The following KIAA1191 variants were observed in gnomAD, a reference collection of about 807,000 sequenced individuals.
KIAA1191 encodes KIAA1191.
Under a neutral mutation model 31.1 loss-of-function variants are expected in KIAA1191, and 22 were observed. The ratio of observed to expected loss-of-function variants is 0.71; its 90% CI spans 0.51 to 1.01. The LOEUF is 1.01. Among genes scored for constraint, KIAA1191 ranks in the 50% least tolerant of loss-of-function variants. KIAA1191 has a pLI of 0.00. For synonymous variants in KIAA1191, 130 were observed against 143.9 expected (o/e 0.90, Z 0.69); for missense variants, 319 against 388.0 (o/e 0.82, Z 1.49).
rs372513176 is a variant in KIAA1191, at chr5:176,348,276, C to T, written c.540G>A (p.Pro180=). 19 of 1,613,530 alleles carry T rather than the reference C, an allele frequency of 1.2e-5. No individual in the cohort carries two copies. The highest frequency in any genetic ancestry group is 3.3e-5 in the Admixed American group (2 of 59,916). ...TGGGCCTCTGCTTAGGTGAAGAGTG[C>T]GGAGTGGTGCTTGGGGTGGACTGGG... ...ASAQSTPSTT[P]HSSPKQRPRG... Residue 180 remains proline (P), a synonymous_variant, in exon 7 of 9, where the codon CCG becomes CCA. Transcript: ENST00000298569.
chr5:176,360,145 C>T (rs1156601847), intron 1 of KIAA1191, among the ~76,000 whole-genome samples: 1 of 150,172 alleles, frequency 6.7e-6, no homozygotes, highest in Non-Finnish European at 1.5e-5. Context: ...TTATTTATCC[C>T]AATCCCAATT....
chr5:176,350,461 G>A (rs1359308542), intron 6 of KIAA1191, 152 bp downstream of exon 6: 1 of 895,268 alleles, frequency 1.1e-6, no homozygotes, highest in Non-Finnish European at 1.7e-6. Flanking sequence ...CCACTGTATA[G>A]GTGGATAAGC....
At chr5:176,359,434 CATT>C (rs78874879) in intron 3 of KIAA1191, 44 bp downstream of exon 3, 208,428 of 1,586,406 alleles carry the variant, frequency 0.13, 14,409 homozygotes, top group Admixed American at 0.15. Context: ...TAGCTTAAAA[CATT>C]AATAAGGGCA....
rs766037831 is a variant in KIAA1191 at position 176,348,064 on chromosome 5, C to T, written c.567-1G>A. ...GGAAGAACCAGAAGTGAACCAGCCCCTGGGAAAGAAAGAACAAAACATATC... is the reference window on the plus strand; with the variant it reads ...GGAAGAACCAGAAGTGAACCAGCCCTTGGGAAAGAAAGAACAAAACATATC... On this transcript the variant is annotated splice_acceptor_variant, in intron 7 of 8. Transcript: ENST00000298569. LOFTEE classifies it high-confidence loss of function. 3 of 1,613,330 alleles carry T rather than the reference C, an allele frequency of 1.9e-6. No homozygotes were observed. Among genetic ancestry groups the T allele is most frequent in the Admixed American group, 3.3e-5 (2 of 59,758 alleles).
chr5:176,358,791 G>C (rs1767713822), intron 3 of KIAA1191, among the ~76,000 whole-genome samples: 2 of 152,098 alleles, frequency 1.3e-5, no homozygotes, highest in Admixed American at 1.3e-4. Context: ...CAGATCACAA[G>C]GTCAGGAGTT....
intron 3 of KIAA1191, among the ~76,000 whole-genome samples, chr5:176,356,627 G>A (rs142159335): frequency 1.3e-5 from 2 of 152,194 alleles, no homozygotes; most frequent in Admixed American, 1.3e-4. Flanking sequence ...CAGCATGTCG[G>A]GTTGTGATGC....
At chr5:176,359,027 T>C (rs1249030761) in intron 3 of KIAA1191, among the ~76,000 whole-genome samples, 1 of 135,358 alleles carries the variant, frequency 7.4e-6, no homozygotes, top group African/African-American at 2.9e-5. Flanking sequence ...GAGCTTGCAG[T>C]GAGCTGAGAT....
In KIAA1191 at chr5:176,348,007, A is replaced by G; in HGVS notation, c.623T>C (p.Met208Thr). 1.2e-6 allele frequency: 2 copies of G among 1,614,146 alleles called. No individual in the cohort carries two copies. Among genetic ancestry groups the G allele is most frequent in the South Asian group, 1.1e-5 (1 of 91,080 alleles). The change falls in exon 8 of 9, where the codon ATG becomes ACG. Residue 208 changes from methionine (M) to threonine (T), a missense_variant. Transcript: ENST00000298569. ...TALPGPNPSTMDSGSGDKDRN... is the reference protein window; with the variant it reads ...TALPGPNPSTTDSGSGDKDRN... ...GTCCTTATCCCCACTTCCAGAGTCC[A>G]TGGTGCTAGGATTTGGGCCAGGTAA...
At position 176,355,508 on chromosome 5, in the gene KIAA1191, T is replaced by C; in HGVS notation, c.207+63A>G. The C allele has an allele frequency of 6.5e-7, 1 of 1,532,084 alleles. No individual in the cohort carries two copies. Among genetic ancestry groups the C allele is most frequent in the Non-Finnish European group, 8.9e-7 (1 of 1,123,214 alleles). The allele number at this position is 1,532,084 out of a possible 1,614,324, so 94.9% of individuals were successfully genotyped here. A position where few individuals can be genotyped will look rare whatever the true frequency, so the allele number is the denominator to read the frequency against. On this transcript the variant is annotated intron_variant, in intron 4 of 8. Transcript: ENST00000298569. The surrounding 1 kb of genome is among the most constrained non-coding windows in gnomAD (Gnocchi z 4.2). ...ATGGGCACAGGGAGCCACTGAAGGC[T>C]TCTGGAGCAGAGGAAGGACAAAGGG...
chr5:176,351,541 C>T (rs1386327010), intron 5 of KIAA1191, among the ~76,000 whole-genome samples: 2 of 150,492 alleles, frequency 1.3e-5, no homozygotes, highest in African/African-American at 2.4e-5. Context: ...GGGCAGATCA[C>T]GAGGTCAGGA....
intron 4 of KIAA1191, chr5:176,353,094 G>A: frequency 5.3e-6 from 1 of 187,126 alleles, no homozygotes; most frequent in Non-Finnish European, 1.1e-5. Flanking sequence ...CCACATCCCA[G>A]GCACTATGCT....
chr5:176,352,901 T>TCC (rs1767157882), intron 4 of KIAA1191, among the ~76,000 whole-genome samples, 153 bp from the exon 5 acceptor site: 2 of 152,194 alleles, frequency 1.3e-5, no homozygotes, highest in African/African-American at 4.8e-5. Context: ...TCCACCCAGC[T>TCC]AGATAGGTAT....
At chr5:176,358,631 T>C (rs1278086832) in intron 3 of KIAA1191, among the ~76,000 whole-genome samples, 1 of 151,280 alleles carries the variant, frequency 6.6e-6, no homozygotes, top group Non-Finnish European at 1.5e-5. Flanking sequence ...GGAGAATCAC[T>C]TGAGCCCAGG....
At chr5:176,357,931 T>C (rs1380854867) in intron 3 of KIAA1191, among the ~76,000 whole-genome samples, 1 of 152,184 alleles carries the variant, frequency 6.6e-6, no homozygotes, top group African/African-American at 2.4e-5. Context: ...GGGCAGTAAA[T>C]ACATATTTAT....
At chr5:176,354,562 G>GT (rs1767333150) in intron 4 of KIAA1191, 1 of 152,346 alleles carries the variant, frequency 6.6e-6, no homozygotes, top group African/African-American at 2.4e-5. Flanking sequence ...GGACTGTGAG[G>GT]TATGTTCGGA....
In KIAA1191 at chr5:176,361,580, C is replaced by A; in HGVS notation, c.-168+22G>T. 1 of 152,476 alleles carries A rather than the reference C, an allele frequency of 6.6e-6. No homozygotes were observed. Among genetic ancestry groups the A allele is most frequent in the Non-Finnish European group, 1.5e-5 (1 of 68,146 alleles). The allele number at this position is 152,476 out of a possible 1,614,324, so 9.4% of individuals were successfully genotyped here. ...CAGAGAACGCAGCCCCAAGGGAGGG[C>A]CCAGGCCCGCCATCTGTTCACCTGT... On this transcript the variant is annotated intron_variant, in intron 1 of 8. Coordinates refer to ENST00000298569, the MANE Select transcript of KIAA1191 (RefSeq NM_020444.5). The surrounding 1 kb of genome is among the most constrained non-coding windows in gnomAD (Gnocchi z 4.0).
intron 5 of KIAA1191, 66 bp downstream of exon 5, chr5:176,352,556 C>A: frequency 6.4e-7 from 1 of 1,568,036 alleles, no homozygotes. Context: ...CTCCAATCAG[C>A]TTGTAGGAAG....
chr5:176,347,555 G>T lies in KIAA1191; in HGVS notation c.*45C>A. 2 of 1,379,674 alleles carry T rather than the reference G, an allele frequency of 1.4e-6. No homozygotes were observed. The highest frequency in any genetic ancestry group is 1.6e-5 in the South Asian group (1 of 61,388). The allele number at this position is 1,379,674 out of a possible 1,614,324, so 85.5% of individuals were successfully genotyped here. ...GTCAAAGCCAAGGTAAAAGGGGAGT[G>T]GGATGCAAGAAACCACCTTTACCAG... On this transcript the variant is annotated 3_prime_UTR_variant, in exon 9 of 9. Transcript: ENST00000298569.
chr5:176,354,736 C>T (rs777359286), intron 4 of KIAA1191, among the ~76,000 whole-genome samples: 18 of 152,066 alleles, frequency 1.2e-4, no homozygotes, highest in African/African-American at 2.9e-4. Flanking sequence ...GCCAGGCCAT[C>T]GGCTGGATCC....
Sources: gnomAD v4.1 joint callset for allele counts (sites outside exome capture counted in the v4.1 genomes callset) on GRCh38, gnomAD v4.1.1 for gene constraint, Gnocchi (gnomAD v3.1) non-coding constraint, MANE v1.5 for transcripts, NCBI Gene and HGNC (gene_info 2026-07-23, HGNC 2026-07-21) for gene names.